Variants in R3HDM1 observed in about 807,000 individuals in gnomAD.
R3HDM1 encodes the protein R3H domain containing 1.
A neutral mutation model predicts 141.1 loss-of-function variants in R3HDM1; 46 were observed. That is an observed-to-expected ratio of 0.33 (90% CI 0.26 to 0.42). R3HDM1 has a LOEUF of 0.42. Ranked by LOEUF, R3HDM1 falls within the 10% of genes least tolerant of loss-of-function variation. The probability of loss-of-function intolerance (pLI) is 1.00; values close to 1 mark genes in which losing one functional copy is unlikely to be tolerated. For synonymous variants in R3HDM1, 435 were observed against 472.9 expected (o/e 0.92, Z 1.04); for missense variants, 1,184 against 1,368.3 (o/e 0.87, Z 2.12).
intron 24 of R3HDM1, among the ~76,000 whole-genome samples, chr2:135,721,112 A>G (rs978845800): frequency 1.3e-5 from 2 of 151,952 alleles, no homozygotes; most frequent in African/African-American, 2.4e-5. Flanking sequence ...CTTCCTAACC[A>G]CTGTTATTAG....
intron 21 of R3HDM1, among the ~76,000 whole-genome samples, chr2:135,699,543 T>A (rs12622507): frequency 6.7e-6 from 1 of 149,788 alleles, no homozygotes; most frequent in Non-Finnish European, 1.5e-5. Flanking sequence ...GGTAGATGGA[T>A]AGATATGGCA....
chr2:135,634,717 A>G (rs1038911130), intron 9 of R3HDM1, among the ~76,000 whole-genome samples: 1 of 152,176 alleles, frequency 6.6e-6, no homozygotes, highest in African/African-American at 2.4e-5. Context: ...ATCATTACTC[A>G]GATTTATTTG....
At chr2:135,653,635 A>G (rs1207033481) in intron 18 of R3HDM1, among the ~76,000 whole-genome samples, 2 of 152,166 alleles carry the variant, frequency 1.3e-5, no homozygotes, top group African/African-American at 4.8e-5. Flanking sequence ...GGCTTTCTAA[A>G]TACCTTTTGT....
At chr2:135,674,042 G>T (rs943549561) in intron 19 of R3HDM1, among the ~76,000 whole-genome samples, 2 of 152,116 alleles carry the variant, frequency 1.3e-5, no homozygotes, top group South Asian at 2.1e-4. Context: ...AAAGTGCTGG[G>T]ATCATAGGTG....
intron 1 of R3HDM1, among the ~76,000 whole-genome samples, chr2:135,577,612 G>A (rs1705761643): frequency 6.6e-6 from 1 of 151,840 alleles, no homozygotes; most frequent in Non-Finnish European, 1.5e-5. Flanking sequence ...AAGGTGGGTG[G>A]ATCACCTGAG....
intron 1 of R3HDM1, among the ~76,000 whole-genome samples, chr2:135,582,188 G>C (rs946960147): frequency 6.6e-6 from 1 of 151,878 alleles, no homozygotes; most frequent in Non-Finnish European, 1.5e-5. Context: ...AAATTAGCCA[G>C]GCATGGTGGC....
At chr2:135,689,230 T>A (rs2071914332) in intron 21 of R3HDM1, among the ~76,000 whole-genome samples, 1 of 152,186 alleles carries the variant, frequency 6.6e-6, no homozygotes, top group Admixed American at 6.5e-5. Context: ...CACAAGTAGC[T>A]ATAGCCCAGT....
intron 3 of R3HDM1, among the ~76,000 whole-genome samples, chr2:135,614,904 G>C (rs1352203909): frequency 6.6e-6 from 1 of 151,700 alleles, no homozygotes; most frequent in Non-Finnish European, 1.5e-5. Flanking sequence ...TGTTAGATGT[G>C]AGTTACAGTT....
intron 19 of R3HDM1, among the ~76,000 whole-genome samples, chr2:135,668,482 A>G (rs186803027): frequency 4.9e-4 from 74 of 152,328 alleles, no homozygotes; most frequent in African/African-American, 1.8e-3. Flanking sequence ...ATGCCAGTCG[A>G]ATTTCCCTTC....
In R3HDM1 at chr2:135,709,977, T is replaced by C. The variant is rs1320002969; in HGVS notation, c.2564-82T>C. 2.9e-6 allele frequency: 4 copies of C among 1,366,446 alleles called. No individual in the cohort carries two copies. The African/African-American group carries it at 4.4e-5, about 15-fold the overall frequency. The allele number at this position is 1,366,446 out of a possible 1,614,324, so 84.6% of individuals were successfully genotyped here. ...AAAATTTTATTCAGAAATGTAAAAT[T>C]ACTACTGTTATCCTAGTGTTCAGAA... On this transcript the variant is annotated intron_variant, in intron 22 of 26. Transcript: ENST00000683871.
chr2:135,584,203 C>T (rs567645335), intron 1 of R3HDM1: 2 of 537,554 alleles, frequency 3.7e-6, no homozygotes, highest in Non-Finnish European at 4.8e-6. Context: ...TGGCAGTTTC[C>T]TGTAATCCCA....
At chr2:135,619,893 A>G (rs1194316015) in intron 5 of R3HDM1, 1 of 194,368 alleles carries the variant, frequency 5.1e-6, no homozygotes, top group Non-Finnish European at 9.4e-6. Context: ...AGTGAAGAGT[A>G]AAGGAATTGC....
chr2:135,641,094 T>C (rs2063745559), intron 14 of R3HDM1, among the ~76,000 whole-genome samples: 2 of 152,258 alleles, frequency 1.3e-5, no homozygotes, highest in African/African-American at 4.8e-5. Flanking sequence ...TTTCTTACAC[T>C]GAATCTTTCT....
chr2:135,664,430 T>C (rs773689875), intron 19 of R3HDM1, among the ~76,000 whole-genome samples: 32 of 152,070 alleles, frequency 2.1e-4, no homozygotes, highest in Non-Finnish European at 2.6e-4. Context: ...CTTGGAGCAA[T>C]TTTTTTTCAC....
intron 3 of R3HDM1, among the ~76,000 whole-genome samples, chr2:135,610,058 T>TA (rs1244263387): frequency 6.6e-6 from 1 of 152,018 alleles, no homozygotes; most frequent in African/African-American, 2.4e-5. Context: ...AAAAAAAATT[T>TA]AAAAAACTTA....
chr2:135,573,481 C>T (rs1436667536), intron 1 of R3HDM1, among the ~76,000 whole-genome samples: 1 of 151,388 alleles, frequency 6.6e-6, no homozygotes, highest in African/African-American at 2.4e-5. Flanking sequence ...GGAATCTTAA[C>T]GTTATCTAAA....
intron 1 of R3HDM1, chr2:135,536,916 G>A (rs1022746647): frequency 6.1e-6 from 1 of 163,838 alleles, no homozygotes; most frequent in African/African-American, 2.4e-5. Context: ...TGCTTCTTAT[G>A]AGAATCTAAT....
At chr2:135,664,875 G>A (rs1398392860) in intron 19 of R3HDM1, among the ~76,000 whole-genome samples, 2 of 152,206 alleles carry the variant, frequency 1.3e-5, no homozygotes, top group African/African-American at 4.8e-5. Flanking sequence ...AATCCTGATG[G>A]CCCTTAGTCA....
At chr2:135,629,083 G>A (rs1294270386) in intron 7 of R3HDM1, among the ~76,000 whole-genome samples, 3 of 152,058 alleles carry the variant, frequency 2.0e-5, no homozygotes, top group African/African-American at 4.8e-5. Context: ...TTAGGAGGCC[G>A]AGGCGGGTGG....
Sources: allele counts gnomAD v4.1 joint callset (sites outside exome capture counted in the v4.1 genomes callset), GRCh38; gene constraint gnomAD v4.1.1; transcripts MANE v1.5; gene names NCBI Gene and HGNC (gene_info 2026-07-23, HGNC 2026-07-21).